Variants in ASTN2 observed in about 807,000 individuals in gnomAD.
The protein encoded by ASTN2 is astrotactin 2, also known as astrotactin-2.
In ASTN2, 54 loss-of-function variants were observed where a neutral mutation model predicts 139.8. The observed-to-expected ratio is 0.39, with a 90% CI of 0.31 to 0.48. The LOEUF (loss-of-function observed/expected upper bound fraction) is 0.48. Among genes scored for constraint, ASTN2 ranks in the 20% least tolerant of loss-of-function variants. The pLI is 0.95. For missense variants in ASTN2, 1,565 were observed against 1,725.1 expected, an observed-to-expected ratio of 0.91 and a Z score of 1.64; for synonymous variants, 756 against 719.5, an observed-to-expected ratio of 1.05 and a Z score of -0.81.
intron 17 of ASTN2, among the ~76,000 whole-genome samples, chr9:116,628,182 G>C (rs964401718): frequency 6.6e-6 from 1 of 152,104 alleles, no homozygotes; most frequent in Non-Finnish European, 1.5e-5. Flanking sequence ...TTGCAATTTT[G>C]TAAGTCAAAT....
chr9:116,444,670 G>A (rs1169995374), intron 20 of ASTN2, among the ~76,000 whole-genome samples: 3 of 152,172 alleles, frequency 2.0e-5, no homozygotes, highest in African/African-American at 7.2e-5. Context: ...AAAGGAAGCA[G>A]GGGGTGACAG....
chr9:117,396,723 G>A (rs1011059260), intron 1 of ASTN2, among the ~76,000 whole-genome samples: 3 of 151,822 alleles, frequency 2.0e-5, no homozygotes, highest in Non-Finnish European at 4.4e-5. Flanking sequence ...GCACCACCAT[G>A]CCCAGCTAAT....
chr9:116,703,345 A>ATTTG, intron 16 of ASTN2, among the ~76,000 whole-genome samples: 1 of 150,504 alleles, frequency 6.6e-6, no homozygotes, highest in South Asian at 2.1e-4. Context: ...TTTCTTGTAA[A>ATTTG]TTTGTTTGAG....
chr9:117,301,964 T>C (rs1433059183), intron 1 of ASTN2, among the ~76,000 whole-genome samples: 1 of 141,426 alleles, frequency 7.1e-6, no homozygotes, highest in Admixed American at 7.5e-5. Flanking sequence ...AGATAATGCA[T>C]TGGAAGGAGC....
At chr9:116,895,520 G>A (rs1833860597) in intron 10 of ASTN2, among the ~76,000 whole-genome samples, 1 of 152,152 alleles carries the variant, frequency 6.6e-6, no homozygotes, top group Non-Finnish European at 1.5e-5. Flanking sequence ...TTGGCACAGG[G>A]GCAAAGGATG....
Position 117,350,011 on chromosome 9 carries a change from G to C in ASTN2, c.443-58498C>G, listed in dbSNP as rs539681339. 9.5e-4 allele frequency among the ~76,000 whole-genome samples: 145 copies of C among 152,282 alleles called. 1 individual carries two copies. The highest frequency in any genetic ancestry group is 3.4e-3 in the African/African-American group (141 of 41,570). The stretch of plus-strand genomic sequence containing the variant: ...GAGTAAAATCTGAATAAAGTCTATA[G>C]TATAGTTAACAGCAACATACAAATG... On this transcript the variant is annotated intron_variant, in intron 1 of 22. Transcript: ENST00000313400.
chr9:116,690,483 G>A (rs1200405336), intron 16 of ASTN2, among the ~76,000 whole-genome samples: 2 of 152,196 alleles, frequency 1.3e-5, no homozygotes, highest in East Asian at 3.9e-4. Flanking sequence ...GAAGCCAGAA[G>A]TTTATAAGGC....
intron 17 of ASTN2, among the ~76,000 whole-genome samples, chr9:116,643,615 T>C (rs1029752187): frequency 6.6e-6 from 1 of 152,194 alleles, no homozygotes; most frequent in Non-Finnish European, 1.5e-5. Context: ...AGGATAATAA[T>C]AGTACTTCCC....
intron 3 of ASTN2, among the ~76,000 whole-genome samples, chr9:117,144,715 T>G (rs1262172737): frequency 8.1e-6 from 1 of 124,016 alleles, no homozygotes; most frequent in African/African-American, 3.0e-5. Flanking sequence ...GGAGTCTCGC[T>G]CTGTCACCCA....
At chr9:117,361,393 A>G (rs1391052196) in intron 1 of ASTN2, among the ~76,000 whole-genome samples, 3 of 150,424 alleles carry the variant, frequency 2.0e-5, no homozygotes, top group Non-Finnish European at 4.4e-5. Flanking sequence ...CTCCACCCTC[A>G]TTAAATTCTG....
intron 1 of ASTN2, among the ~76,000 whole-genome samples, chr9:117,371,147 A>G (rs1017960158): frequency 6.6e-6 from 1 of 151,922 alleles, no homozygotes; most frequent in Non-Finnish European, 1.5e-5. Context: ...ATGTCCCTAC[A>G]TTATCAAATA....
intron 17 of ASTN2, among the ~76,000 whole-genome samples, chr9:116,634,751 G>C (rs1856991547): frequency 6.6e-6 from 1 of 152,092 alleles, no homozygotes. Flanking sequence ...TATGGCACTG[G>C]AACAAGCTAT....
At chr9:117,263,906 C>A (rs1032947501) in intron 2 of ASTN2, among the ~76,000 whole-genome samples, 1 of 152,038 alleles carries the variant, frequency 6.6e-6, no homozygotes, top group Non-Finnish European at 1.5e-5. Flanking sequence ...GTGGCTCATG[C>A]CTGGAATCCC....
intron 22 of ASTN2, among the ~76,000 whole-genome samples, chr9:116,430,604 C>A (rs1419988025): frequency 6.6e-6 from 1 of 152,202 alleles, no homozygotes; most frequent in African/African-American, 2.4e-5. Flanking sequence ...GTCACTTCAC[C>A]TCCCTAAGCC....
chr9:117,358,702 G>A (rs775001259), intron 1 of ASTN2, among the ~76,000 whole-genome samples: 3 of 152,128 alleles, frequency 2.0e-5, no homozygotes, highest in Non-Finnish European at 2.9e-5. Flanking sequence ...CAAGAGCAGA[G>A]AAACGAAGAA....
intron 3 of ASTN2, among the ~76,000 whole-genome samples, chr9:117,147,622 T>G (rs1268264409): frequency 6.6e-6 from 1 of 152,218 alleles, no homozygotes. Context: ...TTCACATTTC[T>G]TGAGCACCAA....
chr9:117,047,309 A>G (rs1039198190), intron 5 of ASTN2, among the ~76,000 whole-genome samples: 5 of 152,218 alleles, frequency 3.3e-5, no homozygotes, highest in Middle Eastern at 3.4e-3. Flanking sequence ...TCAATATGGG[A>G]CATATTTTCC....
At position 117,116,834 on chromosome 9, in the gene ASTN2, C is replaced by CAAAAAAAAAA. The variant is rs72075422; in HGVS notation, c.1169-20693_1169-20684dup. On this transcript the variant is annotated intron_variant, in intron 4 of 22. Coordinates refer to ENST00000313400, the MANE Select transcript of ASTN2 (RefSeq NM_001365068.1). Reference sequence around the variant, plus strand: ...GTTTTGAGGCAGTTCTGGCATGAGCCAAAAAAAAAAAAAAAAAAAAAAAAA... The same window carrying CAAAAAAAAAA: ...GTTTTGAGGCAGTTCTGGCATGAGCCAAAAAAAAAAAAAAAAAAAAAAAAAAAAAAAAAAA... Among the ~76,000 whole-genome samples the CAAAAAAAAAA allele has an allele frequency of 2.4e-4, 11 of 45,188 alleles. 1 individual carries two copies. The highest frequency in any genetic ancestry group is 3.2e-4 in the Non-Finnish European group (9 of 28,230). The allele number at this position is 45,188 out of a possible 152,430, so 29.6% of individuals were successfully genotyped here.
intron 1 of ASTN2, among the ~76,000 whole-genome samples, chr9:117,313,924 G>T (rs1828054830): frequency 6.6e-6 from 1 of 152,148 alleles, no homozygotes; most frequent in South Asian, 2.1e-4. Flanking sequence ...TTTGTACTTT[G>T]ACACTTACCT....
Sources: gnomAD v4.1 joint callset for allele counts (sites outside exome capture counted in the v4.1 genomes callset) on GRCh38, gnomAD v4.1.1 for gene constraint, MANE v1.5 for transcripts, NCBI Gene and HGNC (gene_info 2026-07-23, HGNC 2026-07-21) for gene names.